ROBO1: variants seen among roughly 807,000 people sequenced by gnomAD.
ROBO1 encodes the protein roundabout guidance receptor 1.
Under a neutral mutation model 195.9 loss-of-function variants are expected in ROBO1, and 149 were observed. The observed-to-expected ratio is 0.76, with a 90% CI of 0.67 to 0.87. The LOEUF (loss-of-function observed/expected upper bound fraction) is 0.87, where lower values mean the gene tolerates loss of function less well. Among genes scored for constraint, ROBO1 ranks in the 40% least tolerant of loss-of-function variants. The pLI is 0.00. For missense variants in ROBO1, 1,933 were observed against 2,068.3 expected (o/e 0.93, Z 1.27); for synonymous variants, 816 against 733.2 (o/e 1.11, Z -1.82).
chr3:78,711,440 T>TTTCTTTCCTTCCTTCC (rs770070756), intron 8 of ROBO1, among the ~76,000 whole-genome samples: 32 of 41,532 alleles, frequency 7.7e-4, no homozygotes, highest in Admixed American at 1.3e-3. Flanking sequence ...TCTTTCTTTC[T>TTTCTTTCCTTCCTTCC]TTCCTTCCTT....
At chr3:78,893,924 A>C (rs1191739774) in intron 4 of ROBO1, among the ~76,000 whole-genome samples, 1 of 152,178 alleles carries the variant, frequency 6.6e-6, no homozygotes, top group Non-Finnish European at 1.5e-5. Context: ...GAATTTTGAC[A>C]TATTTGCTTT....
At chr3:78,950,897 C>A (rs897844634) in intron 3 of ROBO1, among the ~76,000 whole-genome samples, 1 of 151,872 alleles carries the variant, frequency 6.6e-6, no homozygotes, top group African/African-American at 2.4e-5. Context: ...AATATCCTTA[C>A]ATGATCAGTT....
At chr3:78,983,301 C>A (rs2077038185) in intron 3 of ROBO1, among the ~76,000 whole-genome samples, 1 of 152,342 alleles carries the variant, frequency 6.6e-6, no homozygotes, top group Non-Finnish European at 1.5e-5. Flanking sequence ...ACACTCCCTT[C>A]TTTTCACCTT....
intron 3 of ROBO1, among the ~76,000 whole-genome samples, chr3:79,080,143 T>C (rs932927416): frequency 6.6e-6 from 1 of 151,638 alleles, no homozygotes; most frequent in African/African-American, 2.4e-5. Flanking sequence ...AATTAATTGC[T>C]AATTCTTGAT....
intron 3 of ROBO1, among the ~76,000 whole-genome samples, chr3:79,107,737 T>C (rs1313763149): frequency 1.3e-5 from 2 of 151,764 alleles, no homozygotes. Flanking sequence ...TTGGTTGATA[T>C]TGTTGAATTG....
At chr3:79,168,125 A>C (rs1341738096) in intron 2 of ROBO1, among the ~76,000 whole-genome samples, 1 of 152,216 alleles carries the variant, frequency 6.6e-6, no homozygotes, top group Non-Finnish European at 1.5e-5. Flanking sequence ...AACTGGACTT[A>C]ACAGTATTCT....
chr3:79,497,816 C>A (rs1400270401), intron 2 of ROBO1, among the ~76,000 whole-genome samples: 3 of 152,002 alleles, frequency 2.0e-5, no homozygotes, highest in Non-Finnish European at 2.9e-5. Flanking sequence ...ACTATAAAAT[C>A]TTTTCAATTA....
intron 2 of ROBO1, among the ~76,000 whole-genome samples, chr3:79,196,165 T>TA (rs1291897227): frequency 1.3e-5 from 2 of 151,510 alleles, no homozygotes; most frequent in African/African-American, 4.8e-5. Context: ...AAGTGATGGA[T>TA]AAGGATACAT....
chr3:79,114,059 G>T (rs539312581), intron 3 of ROBO1, among the ~76,000 whole-genome samples: 1 of 152,128 alleles, frequency 6.6e-6, no homozygotes, highest in Non-Finnish European at 1.5e-5. Flanking sequence ...TTTTATAAAT[G>T]GGAGTTCCCC....
intron 26 of ROBO1, among the ~76,000 whole-genome samples, chr3:78,622,774 G>C (rs1447194497): frequency 3.3e-5 from 5 of 152,164 alleles, no homozygotes; most frequent in Non-Finnish European, 4.4e-5. Context: ...CAGCTGCCAT[G>C]AAAGAGTTGC....
chr3:79,307,602 T>C (rs1377660301), intron 2 of ROBO1, among the ~76,000 whole-genome samples: 1 of 152,058 alleles, frequency 6.6e-6, no homozygotes, highest in African/African-American at 2.4e-5. Context: ...CACTATGAAA[T>C]ATTTATAATA....
At chr3:78,694,556 A>C (rs149284319) in intron 8 of ROBO1, among the ~76,000 whole-genome samples, 1 of 152,312 alleles carries the variant, frequency 6.6e-6, no homozygotes, top group Admixed American at 6.5e-5. Context: ...AACAAAACTA[A>C]GCATAATTTT....
intron 2 of ROBO1, among the ~76,000 whole-genome samples, chr3:79,374,683 T>C (rs1383209570): frequency 6.6e-6 from 1 of 152,182 alleles, no homozygotes; most frequent in Non-Finnish European, 1.5e-5. Context: ...TGTAAAATAC[T>C]TTAATGGTTA....
chr3:78,838,490 G>A (rs1470929981), intron 4 of ROBO1, among the ~76,000 whole-genome samples: 1 of 152,164 alleles, frequency 6.6e-6, no homozygotes, highest in Non-Finnish European at 1.5e-5. Flanking sequence ...GTTGAAGACT[G>A]GGCATCTGGT....
intron 4 of ROBO1, among the ~76,000 whole-genome samples, chr3:78,911,712 A>C (rs551336823): frequency 1.3e-5 from 2 of 152,204 alleles, no homozygotes; most frequent in South Asian, 4.1e-4. Context: ...AGGACTTGTC[A>C]AATTTTTTCC....
At chr3:79,746,051 G>A (rs1229194812) in intron 1 of ROBO1, among the ~76,000 whole-genome samples, 1 of 152,114 alleles carries the variant, frequency 6.6e-6, no homozygotes, top group Non-Finnish European at 1.5e-5. Context: ...AAAAGGGAAA[G>A]TGAATAATTG....
At chr3:78,981,948 T>A (rs1559556620) in intron 3 of ROBO1, among the ~76,000 whole-genome samples, 1 of 151,976 alleles carries the variant, frequency 6.6e-6, no homozygotes, top group Non-Finnish European at 1.5e-5. Context: ...ACAGAAAAGA[T>A]TAACCACCCA....
intron 2 of ROBO1, among the ~76,000 whole-genome samples, chr3:79,576,690 C>T (rs1295335305): frequency 1.3e-5 from 2 of 152,060 alleles, no homozygotes; most frequent in Non-Finnish European, 2.9e-5. Flanking sequence ...TGATCATATA[C>T]ACACTTGGTG....
intron 3 of ROBO1, among the ~76,000 whole-genome samples, chr3:79,125,179 C>G (rs935769937): frequency 3.3e-5 from 5 of 151,864 alleles, no homozygotes; most frequent in African/African-American, 1.2e-4. Flanking sequence ...TCTAAAAATA[C>G]TAGCAGTATC....
Sources: gnomAD v4.1 joint callset for allele counts (sites outside exome capture counted in the v4.1 genomes callset) on GRCh38, gnomAD v4.1.1 for gene constraint, MANE v1.5 for transcripts, NCBI Gene and HGNC (gene_info 2026-07-23, HGNC 2026-07-21) for gene names.